The following JPH2 variants were observed in gnomAD, a reference collection of about 807,000 sequenced individuals.
The protein encoded by JPH2 is junctophilin-2.
In JPH2, 38 loss-of-function variants were observed where a neutral mutation model predicts 55.9. That is an observed-to-expected ratio of 0.68 (90% CI 0.52 to 0.89). JPH2 has a LOEUF of 0.89. Among genes scored for constraint, JPH2 ranks in the 40% least tolerant of loss-of-function variants. The pLI, the probability that JPH2 is intolerant of heterozygous loss-of-function variation, is 0.00. For missense variants in JPH2, 964 were observed against 1,037.6 expected, an observed-to-expected ratio of 0.93 and a Z score of 0.97; for synonymous variants, 480 against 472.4, an observed-to-expected ratio of 1.02 and a Z score of -0.21.
chr20:44,164,827 C>CT (rs71195523), intron 1 of JPH2, among the ~76,000 whole-genome samples: 3,862 of 133,420 alleles, frequency 0.029, 101 homozygotes, highest in African/African-American at 0.055. Flanking sequence ...TGTTCTGCAC[C>CT]TTTTTTTTTT....
chr20:44,172,449 C>G (rs1600865277), intron 1 of JPH2, among the ~76,000 whole-genome samples: 1 of 152,112 alleles, frequency 6.6e-6, no homozygotes, highest in East Asian at 1.9e-4. Flanking sequence ...GGAGCTGGCT[C>G]TAGTAACCTG....
chr20:44,144,626 T>A (rs889047084), intron 2 of JPH2, among the ~76,000 whole-genome samples: 2 of 152,098 alleles, frequency 1.3e-5, no homozygotes, highest in African/African-American at 4.8e-5. Flanking sequence ...AGTGTCAGCC[T>A]GGGAGCAGCT....
intron 2 of JPH2, among the ~76,000 whole-genome samples, chr20:44,140,374 C>T (rs761287960): frequency 1.3e-5 from 2 of 152,158 alleles, no homozygotes; most frequent in African/African-American, 4.8e-5. Context: ...CCACCCTCCA[C>T]GTGGTGGGTC....
intron 1 of JPH2, chr20:44,177,490 A>C: frequency 1.0e-6 from 1 of 997,796 alleles, no homozygotes; most frequent in Non-Finnish European, 1.2e-6. Flanking sequence ...TGGACAGGAA[A>C]GACTAATACG....
chr20:44,154,285 T>C (rs1055492053), intron 2 of JPH2, among the ~76,000 whole-genome samples: 3 of 152,256 alleles, frequency 2.0e-5, no homozygotes, highest in African/African-American at 7.2e-5. Context: ...TTTAATAATG[T>C]ATTTTGTCAA....
At chr20:44,181,286 C>T (rs2072781424) in intron 1 of JPH2, among the ~76,000 whole-genome samples, 1 of 152,212 alleles carries the variant, frequency 6.6e-6, no homozygotes, top group African/African-American at 2.4e-5. Flanking sequence ...CAGTAAGAAA[C>T]ACACTTTACA....
At chr20:44,118,410 G>A (rs1337237307) in intron 3 of JPH2, 95 bp downstream of exon 3, 7 of 989,360 alleles carry the variant, frequency 7.1e-6, no homozygotes, top group African/African-American at 6.3e-5. Flanking sequence ...GGGCATCCAG[G>A]AAACCACTTG....
chr20:44,160,414 G>C lies in JPH2; in HGVS notation c.380-7C>G. 1 of 1,608,430 alleles carries C rather than the reference G, an allele frequency of 6.2e-7. No individual in the cohort carries two copies. The highest frequency in any genetic ancestry group is 8.5e-7 in the Non-Finnish European group (1 of 1,178,346). On this transcript the variant is annotated splice_region_variant and splice_polypyrimidine_tract_variant and intron_variant, in intron 1 of 5. Coordinates refer to ENST00000372980, the MANE Select transcript of JPH2 (RefSeq NM_020433.5). The surrounding 1 kb of genome is among the most constrained non-coding windows in gnomAD (Gnocchi z 4.9). Reference sequence around the variant, plus strand: ...AACTGGCCTTGGTACGTCCCTGCGGGCGAGGAGAGGGCGCGTCAGTAGGCG... The same window carrying C: ...AACTGGCCTTGGTACGTCCCTGCGGCCGAGGAGAGGGCGCGTCAGTAGGCG...
chr20:44,143,075 G>C (rs2072469059), intron 2 of JPH2, among the ~76,000 whole-genome samples: 2 of 152,172 alleles, frequency 1.3e-5, no homozygotes, highest in South Asian at 4.1e-4. Flanking sequence ...AGGTGTTCGT[G>C]AGAGAGTAAA....
At chr20:44,157,047 G>A (rs1197076974) in intron 2 of JPH2, among the ~76,000 whole-genome samples, 1 of 152,178 alleles carries the variant, frequency 6.6e-6, no homozygotes, top group African/African-American at 2.4e-5. Flanking sequence ...TTCATTCCCT[G>A]GGCCTCAGTT....
chr20:44,116,242 G>A lies in JPH2; in HGVS notation c.1433C>T (p.Pro478Leu), dbSNP rs970525996. The A allele has an allele frequency of 1.1e-5, 16 of 1,466,446 alleles. No homozygotes were observed. The highest frequency in any genetic ancestry group is 2.4e-4 in the Middle Eastern group (1 of 4,146). The allele number at this position is 1,466,446 out of a possible 1,614,324, so 90.8% of individuals were successfully genotyped here. Residue 478 changes from proline (P) to leucine (L), a missense_variant, in exon 4 of 6, where the codon CCT becomes CTT. Physicochemically the swap from Pro to Leu is moderately conservative, Grantham distance 98. Coordinates refer to ENST00000372980, the MANE Select transcript of JPH2 (RefSeq NM_020433.5). ...TGACGGGGAGCCACCCTCGGGCCGA[G>A]GGGTCTCACGCTCGTGCAGCTGCGG... The part of the protein sequence containing the change: ...ESPQLHERET[P>L]RPEGGSPSPA...
chr20:44,157,857 C>T (rs2072576789), intron 2 of JPH2, among the ~76,000 whole-genome samples: 1 of 151,082 alleles, frequency 6.6e-6, no homozygotes, highest in Non-Finnish European at 1.5e-5. Flanking sequence ...AGGATTGCTG[C>T]AGCCCCAGGA....
intron 2 of JPH2, among the ~76,000 whole-genome samples, chr20:44,120,543 A>C (rs2072227866): frequency 6.6e-6 from 1 of 152,170 alleles, no homozygotes; most frequent in Non-Finnish European, 1.5e-5. Flanking sequence ...ACAGAAAAGA[A>C]AATTGAAGTG....
rs866189741 is a variant in JPH2 at position 44,134,589 on chromosome 20, T to A, written c.1170-15966A>T. 2.0e-4 allele frequency among the ~76,000 whole-genome samples: 2 copies of A among 10,178 alleles called. 1 individual carries two copies. The highest frequency in any genetic ancestry group is 3.0e-4 in the Non-Finnish European group (2 of 6,594). The allele number at this position is 10,178 out of a possible 152,430, so 6.7% of individuals were successfully genotyped here. Reference sequence around the variant, plus strand: ...TAAATATATATTTATTATAAATATATATAAATATATATTTATTATAAATAT... The same window carrying A: ...TAAATATATATTTATTATAAATATAAATAAATATATATTTATTATAAATAT... On this transcript the variant is annotated intron_variant, in intron 2 of 5. Coordinates refer to ENST00000372980, the MANE Select transcript of JPH2 (RefSeq NM_020433.5).
Position 44,139,995 on chromosome 20 carries a change from C to G in JPH2, c.1169+19623G>C, listed in dbSNP as rs571464315. Among the ~76,000 whole-genome samples the G allele has an allele frequency of 2.0e-5, 3 of 152,226 alleles. No individual in the cohort carries two copies. In the East Asian group the frequency reaches 5.8e-4, roughly 29 times the overall value. On this transcript the variant is annotated intron_variant, in intron 2 of 5. Transcript: ENST00000372980. ...CAAGTGATTCTCCTGCCTCAGCCTC[C>G]CGAGTAGCTGGGACTACAGGCGCGT...
chr20:44,174,716 G>A (rs1030307871), intron 1 of JPH2, among the ~76,000 whole-genome samples: 1 of 152,102 alleles, frequency 6.6e-6, no homozygotes, highest in Admixed American at 6.6e-5. Context: ...GGAGGTTGCA[G>A]TAAGCCAGGT....
chr20:44,184,276 T>G (rs2072812787), intron 1 of JPH2, among the ~76,000 whole-genome samples: 1 of 144,668 alleles, frequency 6.9e-6, no homozygotes, highest in African/African-American at 2.9e-5. Flanking sequence ...AAAAGTGTTC[T>G]TCTTCTTCTT....
intron 2 of JPH2, among the ~76,000 whole-genome samples, chr20:44,124,838 T>G (rs1600834490): frequency 6.6e-6 from 1 of 150,394 alleles, no homozygotes; most frequent in Non-Finnish European, 1.5e-5. Flanking sequence ...CCAGGCATGG[T>G]GGCTCACGCA....
chr20:44,120,434 T>C (rs2072227310), intron 2 of JPH2, among the ~76,000 whole-genome samples: 1 of 152,190 alleles, frequency 6.6e-6, no homozygotes, highest in Non-Finnish European at 1.5e-5. Flanking sequence ...TCCAATTTCC[T>C]AATGGGCCAG....
Sources: gnomAD v4.1 joint callset for allele counts (sites outside exome capture counted in the v4.1 genomes callset) on GRCh38, gnomAD v4.1.1 for gene constraint, Gnocchi (gnomAD v3.1) non-coding constraint, MANE v1.5 for transcripts, NCBI Gene and HGNC (gene_info 2026-07-23, HGNC 2026-07-21) for gene names.